Variants in TRAPPC8 observed in about 807,000 individuals in gnomAD.
TRAPPC8 encodes the protein general sporulation gene 1 homolog.
A neutral mutation model predicts 174.3 loss-of-function variants in TRAPPC8; 54 were observed. The observed-to-expected ratio is 0.31, with a 90% CI of 0.25 to 0.39. The LOEUF is 0.39. Ranked by LOEUF, TRAPPC8 falls within the 10% of genes least tolerant of loss-of-function variation. The pLI, the probability that TRAPPC8 is intolerant of heterozygous loss-of-function variation, is 1.00. For missense variants in TRAPPC8, 1,531 were observed against 1,699.1 expected, an observed-to-expected ratio of 0.90 and a Z score of 1.74; for synonymous variants, 630 against 579.9, an observed-to-expected ratio of 1.09 and a Z score of -1.24.
rs1033399158 is a variant in TRAPPC8, at chr18:31,879,814, G to C, written c.1729-5110C>G. 3.3e-5 allele frequency among the ~76,000 whole-genome samples: 5 copies of C among 151,450 alleles called. No homozygotes were observed. The East Asian group carries it at 9.7e-4, about 29-fold the overall frequency. On this transcript the variant is annotated intron_variant, in intron 12 of 28. Coordinates refer to ENST00000283351, the MANE Select transcript of TRAPPC8 (RefSeq NM_014939.5). Reference sequence around the variant, plus strand: ...CAACTGATACCACAGAAATACAAAAGGTCCTCAGAGAATACTATGAACCTC... The same window carrying C: ...CAACTGATACCACAGAAATACAAAACGTCCTCAGAGAATACTATGAACCTC...
chr18:31,875,951 A>G (rs2035121133), intron 12 of TRAPPC8, among the ~76,000 whole-genome samples: 1 of 152,166 alleles, frequency 6.6e-6, no homozygotes, highest in Admixed American at 6.5e-5. Context: ...TAATGGGTAC[A>G]AATACATGGT....
At chr18:31,839,532 T>C (rs775008719) in intron 26 of TRAPPC8, 75 bp from the exon 27 acceptor site, 141 of 1,347,556 alleles carry the variant, frequency 1.0e-4, no homozygotes, top group Non-Finnish European at 1.4e-4. Flanking sequence ...ATAGTGTATA[T>C]ATACAAAAGT....
intron 9 of TRAPPC8, 112 bp downstream of exon 9, chr18:31,907,348 T>C: frequency 9.3e-7 from 1 of 1,072,668 alleles, no homozygotes; most frequent in South Asian, 2.0e-5. Context: ...TAAAGTACTA[T>C]ATGCTCTTTG....
chr18:31,881,148 A>C (rs1054683889), intron 12 of TRAPPC8, among the ~76,000 whole-genome samples: 1 of 152,146 alleles, frequency 6.6e-6, no homozygotes, highest in African/African-American at 2.4e-5. Flanking sequence ...AACTATTCTA[A>C]AATTCATATG....
intron 2 of TRAPPC8, 70 bp downstream of exon 2, chr18:31,931,259 A>T: frequency 7.2e-7 from 1 of 1,388,538 alleles, no homozygotes; most frequent in Non-Finnish European, 9.7e-7. Flanking sequence ...TCATCTCCCA[A>T]GTCATAGAAT....
At chr18:31,939,224 C>T (rs980208628) in intron 1 of TRAPPC8, among the ~76,000 whole-genome samples, 3 of 151,980 alleles carry the variant, frequency 2.0e-5, no homozygotes, top group Non-Finnish European at 2.9e-5. Context: ...GTCCTCTTTG[C>T]CAAATTTCTA....
chr18:31,942,561 A>G (rs768307839), intron 1 of TRAPPC8, 47 bp downstream of exon 1: 15 of 1,484,574 alleles, frequency 1.0e-5, no homozygotes, highest in Non-Finnish European at 1.4e-5. Flanking sequence ...CCTTCTCCCG[A>G]CCACGGCTTT....
intron 2 of TRAPPC8, among the ~76,000 whole-genome samples, chr18:31,930,432 C>T (rs1393514356): frequency 6.6e-6 from 1 of 152,036 alleles, no homozygotes; most frequent in Admixed American, 6.6e-5. Context: ...TTAGGAAAAT[C>T]TTTAAATATG....
rs565432632 is a variant in TRAPPC8, at chr18:31,841,761, C to A, written c.3838-2304G>T. Among the ~76,000 whole-genome samples the A allele has an allele frequency of 1.6e-4, 24 of 152,246 alleles. No homozygotes were observed. In the South Asian group the frequency reaches 5.0e-3, roughly 32 times the overall value. On this transcript the variant is annotated intron_variant, in intron 26 of 28. Transcript: ENST00000283351. ...TTGTAATTTTAAGTACTGATGTGAA[C>A]CAACACTTGACAAATACCAAATACC...
At chr18:31,885,988 T>C (rs1463112753) in intron 12 of TRAPPC8, among the ~76,000 whole-genome samples, 1 of 151,442 alleles carries the variant, frequency 6.6e-6, no homozygotes, top group Non-Finnish European at 1.5e-5. Context: ...TCTATAAACT[T>C]GAGATTGTTT....
At chr18:31,913,564 C>G in intron 4 of TRAPPC8, 42 bp from the exon 5 acceptor site, 1 of 1,496,034 alleles carries the variant, frequency 6.7e-7, no homozygotes, top group Middle Eastern at 2.2e-4. Context: ...AAAAGAGGAG[C>G]AGGCCTTAGG....
intron 26 of TRAPPC8, among the ~76,000 whole-genome samples, chr18:31,842,975 T>C (rs1598591167): frequency 6.6e-6 from 1 of 152,202 alleles, no homozygotes; most frequent in Non-Finnish European, 1.5e-5. Flanking sequence ...AGTTTTTTTT[T>C]ATGTGAATGA....
chr18:31,888,965 G>C (rs2145343757), intron 12 of TRAPPC8, among the ~76,000 whole-genome samples: 1 of 152,154 alleles, frequency 6.6e-6, no homozygotes, highest in South Asian at 2.1e-4. Flanking sequence ...AAACAACTAG[G>C]CCTCAAGTCA....
In TRAPPC8 at chr18:31,857,481, G is replaced by C. The variant is rs531556940; in HGVS notation, c.3188+59C>G. On this transcript the variant is annotated intron_variant, in intron 20 of 28. Transcript: ENST00000283351. ...TTAGTAAATATCAAAATGTTTATCTGAATATGTGCATATACATTGAACATA... is the reference window on the plus strand; with the variant it reads ...TTAGTAAATATCAAAATGTTTATCTCAATATGTGCATATACATTGAACATA... 55 of 1,314,946 alleles carry C rather than the reference G, an allele frequency of 4.2e-5. No homozygotes were observed. In the African/African-American group the frequency reaches 7.6e-4, roughly 18 times the overall value. 81.5% of individuals were successfully genotyped at this position (1,314,946 alleles called of 1,614,324 possible). A position where few individuals can be genotyped will look rare whatever the true frequency, so the allele number is the denominator to read the frequency against.
intron 26 of TRAPPC8, among the ~76,000 whole-genome samples, chr18:31,842,164 A>G (rs73958215): frequency 0.035 from 5,323 of 152,330 alleles, 114 homozygotes; most frequent in African/African-American, 0.066. Flanking sequence ...GATTCAAAAT[A>G]TAACACTTAT....
rs1156259031 is a variant in TRAPPC8 at position 31,908,933 on chromosome 18, G to T, written c.943C>A (p.Pro315Thr). Residue 315 changes from proline (P) to threonine (T), a missense_variant, in exon 7 of 29, where the codon CCA (proline) becomes ACA (threonine). Transcript: ENST00000283351. ...GATGAAGCAGATCTTAGATGATCTG[G>T]GCCATCAATACTGTTAGAAGGGTCA... ...SSDPSNSIDGPDHLRSASSLH... is the reference protein window; with the variant it reads ...SSDPSNSIDGTDHLRSASSLH... The T allele has an allele frequency of 1.9e-6, 3 of 1,613,520 alleles. No homozygotes were observed. The highest frequency in any genetic ancestry group is 2.5e-6 in the Non-Finnish European group (3 of 1,179,700).
At chr18:31,841,042 A>G (rs994314535) in intron 26 of TRAPPC8, among the ~76,000 whole-genome samples, 1 of 152,212 alleles carries the variant, frequency 6.6e-6, no homozygotes, top group Admixed American at 6.5e-5. Flanking sequence ...CAAAATATGT[A>G]AAAAGCAAAA....
intron 26 of TRAPPC8, among the ~76,000 whole-genome samples, chr18:31,842,107 C>A (rs989919901): frequency 6.6e-6 from 1 of 152,168 alleles, no homozygotes. Flanking sequence ...ACCCTTGGTA[C>A]ACAAGCATCT....
intron 11 of TRAPPC8, among the ~76,000 whole-genome samples, chr18:31,892,213 G>A (rs2035981832): frequency 6.6e-6 from 1 of 152,178 alleles, no homozygotes. Context: ...ATTTGCCAGA[G>A]TAACTATTCT....
Sources: gnomAD v4.1 joint callset for allele counts (sites outside exome capture counted in the v4.1 genomes callset) on GRCh38, gnomAD v4.1.1 for gene constraint, MANE v1.5 for transcripts, NCBI Gene and HGNC (gene_info 2026-07-23, HGNC 2026-07-21) for gene names.